The following BMP1 variants were observed in gnomAD, a reference collection of about 807,000 sequenced individuals.
BMP1 encodes the protein mammalian tolloid protein.
A neutral mutation model predicts 116.8 loss-of-function variants in BMP1; 63 were observed. The ratio of observed to expected loss-of-function variants is 0.54; its 90% CI spans 0.44 to 0.67. The LOEUF (loss-of-function observed/expected upper bound fraction) is 0.67, where lower values mean the gene tolerates loss of function less well. Ranked by LOEUF, BMP1 falls within the 30% of genes least tolerant of loss-of-function variation. The probability of loss-of-function intolerance (pLI) is 0.00; values close to 1 mark genes in which losing one functional copy is unlikely to be tolerated. For synonymous variants in BMP1, 536 were observed against 533.4 expected (o/e 1.00, Z -0.07); for missense variants, 1,183 against 1,358.9 (o/e 0.87, Z 2.04).
chr8:22,195,613 C>A, intron 13 of BMP1, 26 bp downstream of exon 13: 2 of 1,592,654 alleles, frequency 1.3e-6, no homozygotes, highest in Non-Finnish European at 1.7e-6. Flanking sequence ...CTGCCTCTGA[C>A]CCTGTTCTTT....
chr8:22,200,950 G>T, intron 15 of BMP1, among the ~76,000 whole-genome samples: 1 of 151,716 alleles, frequency 6.6e-6, no homozygotes, highest in Non-Finnish European at 1.5e-5. Flanking sequence ...CCCTGGATGC[G>T]CCCGGACATG....
chr8:22,207,662 C>G, intron 18 of BMP1, 146 bp downstream of exon 18: 1 of 967,912 alleles, frequency 1.0e-6, no homozygotes, highest in African/African-American at 1.6e-5. Context: ...AACATTGTGT[C>G]CTGAGAACCA....
chr8:22,176,747 G>A lies in BMP1; in HGVS notation c.551+97G>A, dbSNP rs942098908. The A allele has an allele frequency of 3.6e-6, 5 of 1,370,212 alleles. No individual in the cohort carries two copies. In the African/African-American group the frequency reaches 4.3e-5, roughly 12 times the overall value. 84.9% of individuals were successfully genotyped at this position (1,370,212 alleles called of 1,614,324 possible). The stretch of plus-strand genomic sequence containing the variant: ...CTGCCCCCAGCTGGGCACAGCCTTG[G>A]GTCCCTTTATCCCCTCCTGCTATGG... On this transcript the variant is annotated intron_variant, in intron 4 of 19. Coordinates refer to ENST00000306385, the MANE Select transcript of BMP1 (RefSeq NM_006129.5).
intron 1 of BMP1, chr8:22,170,836 G>C (rs568726133): frequency 1.3e-5 from 2 of 151,888 alleles, no homozygotes; most frequent in African/African-American, 4.8e-5. Context: ...TGAGACAGGA[G>C]AATTGCTTGA....
At chr8:22,173,803 C>T (rs768860426) in intron 2 of BMP1, 88 bp downstream of exon 2, 1 of 1,053,008 alleles carries the variant, frequency 9.5e-7, no homozygotes, top group East Asian at 2.7e-5. Context: ...CCAGCCAGGC[C>T]CTCCCAGGAC....
At chr8:22,202,090 G>A (rs919589161) in intron 16 of BMP1, among the ~76,000 whole-genome samples, 162 bp downstream of exon 16, 3 of 152,182 alleles carry the variant, frequency 2.0e-5, no homozygotes, top group East Asian at 1.9e-4. Context: ...TCCTCCTCCC[G>A]CAGTGTCGGA....
rs1209492916 is a variant in BMP1, at chr8:22,189,932, T to C, written c.1078-2117T>C. Reference sequence around the variant, plus strand: ...TGCTTTTCTTTATTTTATTTTATATTTTTTTCGAGACAGAGTCTTCCTCTG... The same window carrying C: ...TGCTTTTCTTTATTTTATTTTATATCTTTTTCGAGACAGAGTCTTCCTCTG... On this transcript the variant is annotated intron_variant, in intron 8 of 19. Transcript: ENST00000306385. 2.0e-5 allele frequency among the ~76,000 whole-genome samples: 3 copies of C among 152,160 alleles called. No individual in the cohort carries two copies. In the East Asian group the frequency reaches 5.8e-4, roughly 29 times the overall value.
chr8:22,178,343 G>C (rs950572604), intron 6 of BMP1, among the ~76,000 whole-genome samples: 1 of 152,238 alleles, frequency 6.6e-6, no homozygotes, highest in African/African-American at 2.4e-5. Flanking sequence ...AGGCTGGAGT[G>C]CAGTGGCACA....
chr8:22,172,880 G>A (rs537215947), intron 1 of BMP1, among the ~76,000 whole-genome samples: 1 of 152,204 alleles, frequency 6.6e-6, no homozygotes, highest in Admixed American at 6.5e-5. Flanking sequence ...ACCTCCCAAA[G>A]TGTTGGGATT....
chr8:22,195,021 C>A (rs1829042261), intron 12 of BMP1, 102 bp downstream of exon 12: 5 of 1,258,234 alleles, frequency 4.0e-6, no homozygotes, highest in South Asian at 2.9e-5. Flanking sequence ...CATATTGATA[C>A]CAGTGAGACC....
At chr8:22,206,715 T>C in intron 16 of BMP1, 139 bp from the exon 17 acceptor site, 4 of 1,277,394 alleles carry the variant, frequency 3.1e-6, no homozygotes, top group South Asian at 2.8e-5. Flanking sequence ...AAAGAAACGA[T>C]GCCTGCCTGC....
intron 15 of BMP1, chr8:22,199,187 A>G: frequency 7.3e-7 from 1 of 1,367,630 alleles, no homozygotes; most frequent in Non-Finnish European, 9.8e-7. Context: ...ATCGCACAAG[A>G]AACCTGCAGA....
At position 22,177,882 on chromosome 8, in the gene BMP1, C is replaced by T; in HGVS notation, c.761C>T (p.Pro254Leu). The change falls in exon 6 of 20, where the codon CCT (proline) becomes CTT (leucine). Residue 254 changes from proline to leucine, a missense_variant. Around this residue, in one of 4 missense-constraint regions of BMP1, gnomAD observed 956 missense variants for 1,135.2 expected, o/e 0.84. Transcript: ENST00000306385. ...GQEYNFLKME[P>L]QEVESLGETY... ...GAGTATAACTTCCTGAAGATGGAGC[C>T]TCAGGAGGTGGAGTCCCTGGGGGAG... 1 of 1,613,496 alleles carries T rather than the reference C, an allele frequency of 6.2e-7. No individual in the cohort carries two copies. Among genetic ancestry groups the T allele is most frequent in the Non-Finnish European group, 8.5e-7 (1 of 1,179,528 alleles).
At chr8:22,180,987 G>C (rs1828603891) in intron 8 of BMP1, among the ~76,000 whole-genome samples, 1 of 152,186 alleles carries the variant, frequency 6.6e-6, no homozygotes, top group African/African-American at 2.4e-5. Flanking sequence ...GCTCCTGAAG[G>C]GCTCTTCCCG....
chr8:22,195,438 G>C, intron 12 of BMP1, 24 bp from the exon 13 acceptor site: 5 of 1,589,262 alleles, frequency 3.1e-6, no homozygotes, highest in Non-Finnish European at 4.3e-6. Flanking sequence ...TGGAGTCTGT[G>C]ACACCCTTTC....
At chr8:22,208,992 CTA>C (rs1829413717) in intron 18 of BMP1, among the ~76,000 whole-genome samples, 1 of 152,238 alleles carries the variant, frequency 6.6e-6, no homozygotes, top group African/African-American at 2.4e-5. Context: ...CTCAGACCTG[CTA>C]TGTTTGGCCC....
At chr8:22,167,123 T>C (rs1453516384) in intron 1 of BMP1, among the ~76,000 whole-genome samples, 2 of 152,216 alleles carry the variant, frequency 1.3e-5, no homozygotes, top group Non-Finnish European at 2.9e-5. Flanking sequence ...TACTCCCTGT[T>C]TTCTGTGCCT....
Position 22,194,609 on chromosome 8 carries a change from G to C in BMP1, c.1443+19G>C. ...CTTTGAGGTAGGTCAGTGGCCCTGT[G>C]ATCTGACCTTTGAATCCAGCAGTTG... is the stretch of plus-strand genomic sequence containing the variant. On this transcript the variant is annotated intron_variant, in intron 11 of 19. Coordinates refer to ENST00000306385, the MANE Select transcript of BMP1 (RefSeq NM_006129.5). The surrounding 1 kb of genome is among the most constrained non-coding windows in gnomAD (Gnocchi z 4.5). 6.2e-7 allele frequency: 1 copy of C among 1,612,860 alleles called. No homozygotes were observed. Among genetic ancestry groups the C allele is most frequent in the Non-Finnish European group, 8.5e-7 (1 of 1,179,088 alleles).
rs149924666 is a variant in BMP1, at chr8:22,167,296, A to G, written c.148+1743A>G. 4.3e-3 allele frequency among the ~76,000 whole-genome samples: 653 copies of G among 152,306 alleles called. 4 individuals are homozygous for G. The highest frequency in any genetic ancestry group is 0.02 in the Middle Eastern group (6 of 294). On this transcript the variant is annotated intron_variant, in intron 1 of 19. Coordinates refer to ENST00000306385, the MANE Select transcript of BMP1 (RefSeq NM_006129.5). Reference sequence around the variant, plus strand: ...AGGACCCTGCCTTCAAGGAGCTTACAGTCCAGTAGGGACCCAAGACACCTA... The same window carrying G: ...AGGACCCTGCCTTCAAGGAGCTTACGGTCCAGTAGGGACCCAAGACACCTA...
Sources: allele counts gnomAD v4.1 joint callset (sites outside exome capture counted in the v4.1 genomes callset), GRCh38; gene constraint gnomAD v4.1.1; regional missense constraint gnomAD v4.1.1; non-coding constraint Gnocchi (gnomAD v3.1); transcripts MANE v1.5; gene names NCBI Gene and HGNC (gene_info 2026-07-23, HGNC 2026-07-21).